Variants in PACS1 observed in about 807,000 individuals in gnomAD.
The protein encoded by PACS1 is PACS-1.
In PACS1, 24 loss-of-function variants were observed where a neutral mutation model predicts 115.0. The ratio of observed to expected loss-of-function variants is 0.21; its 90% CI spans 0.15 to 0.29. The LOEUF (loss-of-function observed/expected upper bound fraction) is 0.29, where lower values mean the gene tolerates loss of function less well. Among genes scored for constraint, PACS1 ranks in the 10% least tolerant of loss-of-function variants. The pLI, the probability that PACS1 is intolerant of heterozygous loss-of-function variation, is 1.00. For missense variants in PACS1, 838 were observed against 1,251.2 expected, an observed-to-expected ratio of 0.67 and a Z score of 4.98; for synonymous variants, 453 against 504.5, an observed-to-expected ratio of 0.90 and a Z score of 1.37.
chr11:66,242,487 G>A (rs1855834647), intron 22 of PACS1, among the ~76,000 whole-genome samples: 1 of 152,210 alleles, frequency 6.6e-6, no homozygotes. Flanking sequence ...CTTCCTTTCT[G>A]GAGTGGGAGT....
intron 1 of PACS1, among the ~76,000 whole-genome samples, chr11:66,189,181 AT>A (rs1854459987): frequency 6.6e-6 from 1 of 152,232 alleles, no homozygotes; most frequent in South Asian, 2.1e-4. Flanking sequence ...ATTAGAATAC[AT>A]TTGAGTCCCC....
chr11:66,144,789 A>G (rs1471009055), intron 1 of PACS1, among the ~76,000 whole-genome samples: 1 of 152,150 alleles, frequency 6.6e-6, no homozygotes, highest in Non-Finnish European at 1.5e-5. Flanking sequence ...ATGCACCACG[A>G]CGCCCAGCTA....
At position 66,175,171 on chromosome 11, in the gene PACS1, G is replaced by A. The variant is rs61168761; in HGVS notation, c.357-18315G>A. ...AGCAAAACTCTGTCTGAAAAAAAAAGAAAAAAAAATGGTGAATTTTATAAT... is the reference window on the plus strand; with the variant it reads ...AGCAAAACTCTGTCTGAAAAAAAAAAAAAAAAAAATGGTGAATTTTATAAT... On this transcript the variant is annotated intron_variant, in intron 1 of 23. Coordinates refer to ENST00000320580, the MANE Select transcript of PACS1 (RefSeq NM_018026.4). Among the ~76,000 whole-genome samples, 317 of 149,838 alleles carry A rather than the reference G, an allele frequency of 2.1e-3. 1 individual carries two copies. Among genetic ancestry groups the A allele is most frequent in the African/African-American group, 7.4e-3 (301 of 40,644 alleles).
rs549597679 is a variant in PACS1 at position 66,209,390 on chromosome 11, TTCCTGGGAAAAAAAAGGAA to T, written c.445-971_445-953del. On this transcript the variant is annotated intron_variant, in intron 2 of 23. Coordinates refer to ENST00000320580, the MANE Select transcript of PACS1 (RefSeq NM_018026.4). ...GAGAGCAGGGAGGTTAAAGAGGAAG[TTCCTGGGAAAAAAAAGGAA>T]CAGTGGGCAGGGAGGGTCTTACACA... 1.3e-3 allele frequency among the ~76,000 whole-genome samples: 195 copies of T among 151,988 alleles called. 1 individual carries two copies. The highest frequency in any genetic ancestry group is 1.9e-3 in the Non-Finnish European group (132 of 67,972).
At chr11:66,120,194 C>T (rs1177435938) in intron 1 of PACS1, among the ~76,000 whole-genome samples, 1 of 139,544 alleles carries the variant, frequency 7.2e-6, no homozygotes, top group Non-Finnish European at 1.5e-5. Context: ...GTTGCCCAGG[C>T]TGGAGTGCAG....
chr11:66,188,073 A>T (rs959234290), intron 1 of PACS1, among the ~76,000 whole-genome samples: 1 of 142,674 alleles, frequency 7.0e-6, no homozygotes, highest in Non-Finnish European at 1.5e-5. Flanking sequence ...GGGATGTTGA[A>T]TTTTTTTTTT....
At chr11:66,119,427 GA>G in intron 1 of PACS1, among the ~76,000 whole-genome samples, 1 of 152,362 alleles carries the variant, frequency 6.6e-6, no homozygotes, top group South Asian at 2.1e-4. Context: ...TGCTAGGCCA[GA>G]AATGTTAAGC....
At chr11:66,148,046 GA>G (rs1415188254) in intron 1 of PACS1, among the ~76,000 whole-genome samples, 2 of 149,388 alleles carry the variant, frequency 1.3e-5, no homozygotes, top group African/African-American at 4.9e-5. Context: ...AAGACATAAG[GA>G]AAAAAAAATA....
In PACS1 at chr11:66,238,797, C is replaced by T. The variant is rs1387891598; in HGVS notation, c.2251-7C>T. The T allele has an allele frequency of 2.5e-6, 4 of 1,585,402 alleles. No individual in the cohort carries two copies. Among genetic ancestry groups the T allele is most frequent in the Admixed American group, 3.5e-5 (2 of 56,496 alleles). On this transcript the variant is annotated splice_region_variant and splice_polypyrimidine_tract_variant and intron_variant, in intron 19 of 23. Transcript: ENST00000320580. ...GGATCTAATGAGTGCCTCTTCTCTC[C>T]TTGCAGGTGGTGAAGGTGGGTCTGG...
intron 1 of PACS1, among the ~76,000 whole-genome samples, chr11:66,187,778 A>C (rs1854418226): frequency 6.6e-6 from 1 of 152,136 alleles, no homozygotes; most frequent in Non-Finnish European, 1.5e-5. Context: ...GGGGGTCTGC[A>C]TTGTCTCCCT....
chr11:66,081,262 G>A lies in PACS1; in HGVS notation c.356+10420G>A, dbSNP rs79619695. 8.4e-3 allele frequency among the ~76,000 whole-genome samples: 1,269 copies of A among 151,946 alleles called. 89 individuals are homozygous for A. In the East Asian group the frequency reaches 0.17, roughly 21 times the overall value. The stretch of plus-strand genomic sequence containing the variant: ...AAAAAGAAAAAAGAAAGAAAGAAAA[G>A]AAAAGTCCCTGTCTCACAGGATTAT... On this transcript the variant is annotated intron_variant, in intron 1 of 23. Transcript: ENST00000320580.
intron 2 of PACS1, among the ~76,000 whole-genome samples, chr11:66,205,193 C>T (rs1854907271): frequency 6.6e-6 from 1 of 152,106 alleles, no homozygotes; most frequent in Non-Finnish European, 1.5e-5. Flanking sequence ...CCATGTTGCC[C>T]AGGCTGGTCT....
chr11:66,117,473 A>AG (rs60879122), intron 1 of PACS1, among the ~76,000 whole-genome samples: 6,106 of 150,440 alleles, frequency 0.041, 138 homozygotes, highest in South Asian at 0.073. Context: ...AAAAAAAAAA[A>AG]AGAGAGAAAA....
intron 1 of PACS1, among the ~76,000 whole-genome samples, chr11:66,163,824 T>C (rs1224911255): frequency 6.6e-6 from 1 of 152,160 alleles, no homozygotes; most frequent in Non-Finnish European, 1.5e-5. Flanking sequence ...CAGAGAAAGA[T>C]GGAATTATCT....
chr11:66,128,839 G>A (rs887947584), intron 1 of PACS1, among the ~76,000 whole-genome samples: 9 of 151,088 alleles, frequency 6.0e-5, no homozygotes, highest in African/African-American at 2.2e-4. Context: ...AGCCGAGATC[G>A]TGCCACTGTA....
Position 66,216,760 on chromosome 11 carries a change from C to T in PACS1, c.963C>T (p.Thr321=). 1 of 1,613,644 alleles carries T rather than the reference C, an allele frequency of 6.2e-7. No individual in the cohort carries two copies. The highest frequency in any genetic ancestry group is 8.5e-7 in the Non-Finnish European group (1 of 1,179,674). The change falls in exon 7 of 24, where the codon ACC becomes ACT. Residue 321 remains threonine (T), a synonymous_variant. Transcript: ENST00000320580. ...VKKTRRKLTS[T]SAITRQPNIK... is the part of the protein sequence containing the mutation. ...AGACCCGGAGGAAACTAACCTCAAC[C>T]TCTGCCATCACAAGGGTGAGCCTCA...
In PACS1 at chr11:66,243,295, GC is replaced by G; in HGVS notation, c.*17del. On this transcript the variant is annotated 3_prime_UTR_variant, in exon 24 of 24. Coordinates refer to ENST00000320580, the MANE Select transcript of PACS1 (RefSeq NM_018026.4). ...AGGCCACCTGAGGCCCTGTCTCCCA[GC>G]CACTTTCCCTCCTGGCACTGCCACC... is the stretch of plus-strand genomic sequence containing the variant. 1 of 1,536,572 alleles carries G rather than the reference GC, an allele frequency of 6.5e-7. No homozygotes were observed. The highest frequency in any genetic ancestry group is 8.8e-7 in the Non-Finnish European group (1 of 1,129,952).
At chr11:66,153,062 A>G (rs940210456) in intron 1 of PACS1, among the ~76,000 whole-genome samples, 2 of 152,230 alleles carry the variant, frequency 1.3e-5, no homozygotes, top group African/African-American at 2.4e-5. Flanking sequence ...GAAATAGTAA[A>G]TATGTAGGTA....
At chr11:66,116,312 C>T (rs1858305485) in intron 1 of PACS1, among the ~76,000 whole-genome samples, 1 of 152,120 alleles carries the variant, frequency 6.6e-6, no homozygotes, top group South Asian at 2.1e-4. Context: ...TGCCCTCAGT[C>T]GTTAGATATT....
Sources: allele counts gnomAD v4.1 joint callset (sites outside exome capture counted in the v4.1 genomes callset), GRCh38; gene constraint gnomAD v4.1.1; transcripts MANE v1.5; gene names NCBI Gene and HGNC (gene_info 2026-07-23, HGNC 2026-07-21).